Variants in OSBPL10 observed in about 807,000 individuals in gnomAD.
OSBPL10 encodes the protein oxysterol binding protein like 10, also known as oxysterol-binding protein-related protein 10.
In OSBPL10, 49 loss-of-function variants were observed where a neutral mutation model predicts 81.7. That is an observed-to-expected ratio of 0.60 (90% CI 0.48 to 0.76). The LOEUF (loss-of-function observed/expected upper bound fraction) is 0.76, where lower values mean the gene tolerates loss of function less well. OSBPL10 is among the 30% of genes least tolerant of loss of function. The probability of loss-of-function intolerance (pLI) is 0.00; values close to 1 mark genes in which losing one functional copy is unlikely to be tolerated. For missense variants in OSBPL10, 923 were observed against 987.8 expected (o/e 0.93, Z 0.88); for synonymous variants, 419 against 383.6 (o/e 1.09, Z -1.08).
intron 8 of OSBPL10, among the ~76,000 whole-genome samples, chr3:31,680,673 G>A (rs923209241): frequency 5.3e-5 from 8 of 152,118 alleles, no homozygotes; most frequent in African/African-American, 1.2e-4. Flanking sequence ...GGAGATACTC[G>A]GGCTGGAGTG....
intron 7 of OSBPL10, among the ~76,000 whole-genome samples, chr3:31,686,016 G>A (rs1407775097): frequency 1.3e-5 from 2 of 152,172 alleles, no homozygotes; most frequent in Non-Finnish European, 2.9e-5. Flanking sequence ...CACTCTCTCA[G>A]GACTGAATTA....
chr3:31,737,758 G>A lies in OSBPL10; in HGVS notation c.941-4347C>T, dbSNP rs533648452. Among the ~76,000 whole-genome samples, 13 of 152,216 alleles carry A rather than the reference G, an allele frequency of 8.5e-5. No individual in the cohort carries two copies. In the South Asian group the frequency reaches 1.2e-3, roughly 15 times the overall value. ...TGTAATCCCAGCACTTTGGGAGGCC[G>A]AAGCAGGCAGATCACCTGAGGTCAG... is the stretch of plus-strand genomic sequence containing the variant. On this transcript the variant is annotated intron_variant, in intron 5 of 11. Transcript: ENST00000396556.
At chr3:32,008,099 G>C (rs1421720774) in intron 2 of OSBPL10, among the ~76,000 whole-genome samples, 1 of 152,024 alleles carries the variant, frequency 6.6e-6, no homozygotes, top group Non-Finnish European at 1.5e-5. Flanking sequence ...GTAGACATTT[G>C]GGGGCCATTA....
intron 4 of OSBPL10, among the ~76,000 whole-genome samples, chr3:31,773,281 A>T (rs1466199884): frequency 6.6e-6 from 1 of 152,168 alleles, no homozygotes; most frequent in African/African-American, 2.4e-5. Flanking sequence ...TCACACGAGC[A>T]TATCTGACAT....
intron 8 of OSBPL10, among the ~76,000 whole-genome samples, chr3:31,674,955 G>A (rs911784104): frequency 3.3e-5 from 5 of 152,348 alleles, no homozygotes; most frequent in South Asian, 4.1e-4. Flanking sequence ...AAGCGAGGAT[G>A]TTGCTAGGCT....
At chr3:31,963,589 C>A (rs1041821015) in intron 1 of OSBPL10, among the ~76,000 whole-genome samples, 1 of 152,132 alleles carries the variant, frequency 6.6e-6, no homozygotes, top group African/African-American at 2.4e-5. Flanking sequence ...CCCAAAGAGG[C>A]GCCTGGCTTG....
intron 5 of OSBPL10, among the ~76,000 whole-genome samples, chr3:31,736,270 T>G (rs2125673274): frequency 6.6e-6 from 1 of 152,304 alleles, no homozygotes; most frequent in South Asian, 2.1e-4. Flanking sequence ...ATAAAAATGG[T>G]CAGGATGATG....
intron 4 of OSBPL10, among the ~76,000 whole-genome samples, chr3:31,786,490 C>T (rs759845493): frequency 1.1e-4 from 16 of 152,158 alleles, no homozygotes; most frequent in Non-Finnish European, 1.8e-4. Flanking sequence ...CCTGTAGGTT[C>T]TGTGTCTGGT....
At chr3:31,930,106 C>A (rs1240798752) in intron 1 of OSBPL10, among the ~76,000 whole-genome samples, 2 of 150,818 alleles carry the variant, frequency 1.3e-5, no homozygotes, top group African/African-American at 4.9e-5. Flanking sequence ...TGAGACCAGG[C>A]GTCTGAGATT....
At chr3:31,974,311 G>T (rs879471275) in intron 1 of OSBPL10, among the ~76,000 whole-genome samples, 2 of 152,288 alleles carry the variant, frequency 1.3e-5, no homozygotes, top group Admixed American at 1.3e-4. Flanking sequence ...ACTTTTGGTG[G>T]AAGTATTAAT....
intron 2 of OSBPL10, among the ~76,000 whole-genome samples, chr3:32,025,745 GCTGT>G (rs554939210): frequency 2.4e-4 from 37 of 152,180 alleles, no homozygotes; most frequent in African/African-American, 7.7e-4. Flanking sequence ...TAATTCATCT[GCTGT>G]CTAACAGTTA....
chr3:32,035,763 A>G (rs1213182348), intron 2 of OSBPL10, among the ~76,000 whole-genome samples: 2 of 152,176 alleles, frequency 1.3e-5, no homozygotes, highest in Non-Finnish European at 2.9e-5. Flanking sequence ...ATTAGACGCA[A>G]ATTTATAGAG....
intron 5 of OSBPL10, among the ~76,000 whole-genome samples, chr3:31,735,570 C>A (rs1169545771): frequency 6.6e-6 from 1 of 152,188 alleles, no homozygotes; most frequent in African/African-American, 2.4e-5. Context: ...TTAGTATGCT[C>A]AAGTCACATC....
At chr3:31,989,842 G>A (rs1484963419) in intron 2 of OSBPL10, 1 of 1,614,134 alleles carries the variant, frequency 6.2e-7, no homozygotes, top group South Asian at 1.1e-5. Flanking sequence ...CTATTTAGGA[G>A]GGAAACAATA....
intron 2 of OSBPL10, among the ~76,000 whole-genome samples, chr3:32,017,298 G>A (rs1206096869): frequency 6.6e-6 from 1 of 152,146 alleles, no homozygotes; most frequent in Non-Finnish European, 1.5e-5. Flanking sequence ...AAAAACACCA[G>A]CTGTTTGATC....
chr3:31,775,150 T>G (rs1306632106), intron 4 of OSBPL10, among the ~76,000 whole-genome samples: 1 of 151,940 alleles, frequency 6.6e-6, no homozygotes, highest in African/African-American at 2.4e-5. Flanking sequence ...CCAGCCTGGG[T>G]GACAGAGTGA....
intron 6 of OSBPL10, among the ~76,000 whole-genome samples, chr3:31,730,151 AC>A (rs1575505484): frequency 6.6e-6 from 1 of 152,124 alleles, no homozygotes; most frequent in African/African-American, 2.4e-5. Context: ...GATCATGCTG[AC>A]CAACATGGTG....
intron 4 of OSBPL10, among the ~76,000 whole-genome samples, chr3:31,791,849 CAA>C (rs10536591): frequency 0.028 from 3,493 of 124,406 alleles, 142 homozygotes; most frequent in African/African-American, 0.091. Context: ...TTACAAAGAG[CAA>C]AAAAAAAAAA....
At chr3:32,038,414 G>A (rs560294923) in intron 2 of OSBPL10, among the ~76,000 whole-genome samples, 3 of 152,226 alleles carry the variant, frequency 2.0e-5, no homozygotes, top group Admixed American at 6.5e-5. Flanking sequence ...TCCGGCTCCC[G>A]GGTTCAAGTG....
Sources: gnomAD v4.1 joint callset for allele counts (sites outside exome capture counted in the v4.1 genomes callset) on GRCh38, gnomAD v4.1.1 for gene constraint, MANE v1.5 for transcripts, NCBI Gene and HGNC (gene_info 2026-07-23, HGNC 2026-07-21) for gene names.